ACBD5: variants seen among roughly 807,000 people sequenced by gnomAD.
ACBD5 encodes the protein acyl-CoA-binding domain-containing protein 5.
In ACBD5, 40 loss-of-function variants were observed where a neutral mutation model predicts 71.8. The observed-to-expected ratio is 0.56, with a 90% CI of 0.43 to 0.72. The LOEUF is 0.72. Among genes scored for constraint, ACBD5 ranks in the 30% least tolerant of loss-of-function variants. The probability of loss-of-function intolerance (pLI) is 0.00; values close to 1 mark genes in which losing one functional copy is unlikely to be tolerated. For missense variants in ACBD5, 559 were observed against 644.5 expected, an observed-to-expected ratio of 0.87 and a Z score of 1.44; for synonymous variants, 229 against 218.6, an observed-to-expected ratio of 1.05 and a Z score of -0.42.
chr10:27,203,726 CA>C (rs1401897384), intron 12 of ACBD5, among the ~76,000 whole-genome samples: 6 of 150,748 alleles, frequency 4.0e-5, no homozygotes, highest in African/African-American at 1.5e-4. Flanking sequence ...GCAACAAAAG[CA>C]AAACTCTGTC....
chr10:27,241,056 C>G (rs1444433195), upstream of ACBD5, among the ~76,000 whole-genome samples: 1 of 152,212 alleles, frequency 6.6e-6, no homozygotes, highest in Non-Finnish European at 1.5e-5. Context: ...TGTGTCCGCT[C>G]TGGCAGCCGG....
intron 12 of ACBD5, among the ~76,000 whole-genome samples, chr10:27,200,002 A>G (rs2059752977): frequency 6.6e-6 from 1 of 151,930 alleles, no homozygotes; most frequent in Non-Finnish European, 1.5e-5. Context: ...AAAAAAAAAA[A>G]GGAAAACTGG....
intron 7 of ACBD5, 37 bp downstream of exon 7, chr10:27,217,943 G>A (rs769552012): frequency 1.8e-5 from 28 of 1,574,680 alleles, no homozygotes; most frequent in Non-Finnish European, 2.4e-5. Context: ...CTATTCATAG[G>A]AAAGAGGCTG....
Position 27,218,155 on chromosome 10 carries a change from G to A in ACBD5, c.654C>T (p.Asp218=), listed in dbSNP as rs2061884691. Residue 218 remains aspartate (D), a synonymous_variant, in exon 7 of 13, where the codon GAC becomes GAT. Transcript: ENST00000396271. ...NDKKMMKKSA[D]HKNLEVIVTN... ...TGACAATGACTTCCAAATTCTTATG[G>A]TCTGCTGACTTCTTCATCATTTTCT... 6.2e-7 allele frequency: 1 copy of A among 1,613,958 alleles called. No individual in the cohort carries two copies. Among genetic ancestry groups the A allele is most frequent in the Non-Finnish European group, 8.5e-7 (1 of 1,179,926 alleles).
intron 8 of ACBD5, among the ~76,000 whole-genome samples, chr10:27,214,581 C>T (rs1046284246): frequency 2.0e-5 from 3 of 152,016 alleles, no homozygotes; most frequent in African/African-American, 7.3e-5. Context: ...ATACTGCTAT[C>T]ATCATTATCA....
At position 27,202,867 on chromosome 10, in the gene ACBD5, T is replaced by C. The variant is rs554508751; in HGVS notation, c.1565+1573A>G. On this transcript the variant is annotated intron_variant, in intron 12 of 12. Coordinates refer to ENST00000396271, the MANE Select transcript of ACBD5 (RefSeq NM_145698.5). ...TCTTCTTTCCTATTACCAGGGATATTTAAATGTAAAACACTGTAGAGCACT... is the reference window on the plus strand; with the variant it reads ...TCTTCTTTCCTATTACCAGGGATATCTAAATGTAAAACACTGTAGAGCACT... Among the ~76,000 whole-genome samples the C allele has an allele frequency of 9.9e-5, 15 of 152,032 alleles. 1 individual carries two copies. In the South Asian group the frequency reaches 2.9e-3, roughly 29 times the overall value.
In ACBD5 at chr10:27,218,156, T is replaced by C; in HGVS notation, c.653A>G (p.Asp218Gly). Residue 218 changes from aspartate (D) to glycine (G), a missense_variant, in exon 7 of 13, where the codon GAC becomes GGC. Asp to Gly is a moderately conservative substitution (Grantham distance 94). Coordinates refer to ENST00000396271, the MANE Select transcript of ACBD5 (RefSeq NM_145698.5). Reference protein sequence around the residue: ...NDKKMMKKSADHKNLEVIVTN... With the variant: ...NDKKMMKKSAGHKNLEVIVTN... ...GACAATGACTTCCAAATTCTTATGG[T>C]CTGCTGACTTCTTCATCATTTTCTT... The C allele has an allele frequency of 6.2e-7, 1 of 1,614,012 alleles. No individual in the cohort carries two copies. Among genetic ancestry groups the C allele is most frequent in the Non-Finnish European group, 8.5e-7 (1 of 1,179,926 alleles).
In ACBD5 at chr10:27,196,388, C is replaced by T. The variant is rs1298116342; in HGVS notation, c.*1042G>A. 2 of 454,216 alleles carry T rather than the reference C, an allele frequency of 4.4e-6. No individual in the cohort carries two copies. The highest frequency in any genetic ancestry group is 2.4e-5 in the Admixed American group (1 of 42,550). 28.1% of individuals were successfully genotyped at this position (454,216 alleles called of 1,614,324 possible). The stretch of plus-strand genomic sequence containing the variant: ...CTTAAATTTCTGTTAGCTGGGCATG[C>T]CTTATTCCTATGGAAGCATTTGGCC... On this transcript the variant is annotated 3_prime_UTR_variant, in exon 13 of 13. Coordinates refer to ENST00000396271, the MANE Select transcript of ACBD5 (RefSeq NM_145698.5).
At position 27,208,316 on chromosome 10, in the gene ACBD5, A is replaced by C. The variant is rs1468532582; in HGVS notation, c.1334T>G (p.Met445Arg). Reference protein sequence around the residue: ...SLNEQIALVLMRLQEDMQNVL... With the variant: ...SLNEQIALVLRRLQEDMQNVL... ...ATTCTGCATGTCCTCCTGCAGTCTC[A>C]TCAGCACGAGGGCGATCTGCTCATT... The change falls in exon 10 of 13, where the codon ATG becomes AGG. Residue 445 changes from methionine to arginine, a missense_variant. Coordinates refer to ENST00000396271, the MANE Select transcript of ACBD5 (RefSeq NM_145698.5). 6.2e-7 allele frequency: 1 copy of C among 1,614,126 alleles called. No homozygotes were observed. The highest frequency in any genetic ancestry group is 1.7e-5 in the Admixed American group (1 of 60,004).
At chr10:27,225,077 CTTT>C (rs369118936) in intron 4 of ACBD5, among the ~76,000 whole-genome samples, 3 of 136,456 alleles carry the variant, frequency 2.2e-5, no homozygotes, top group Non-Finnish European at 1.6e-5. Flanking sequence ...CGCTCTCTTT[CTTT>C]TTTTTTTTTT....
At chr10:27,186,268 ATAAAG>A (rs2136283953) in intron 13 of ACBD5, 9 of 1,123,482 alleles carry the variant, frequency 8.0e-6, no homozygotes, top group Admixed American at 1.9e-5. Context: ...AACTGACATA[ATAAAG>A]TAAGGTAAGT....
chr10:27,215,303 A>G (rs1564624889), intron 8 of ACBD5, among the ~76,000 whole-genome samples: 1 of 152,084 alleles, frequency 6.6e-6, no homozygotes, highest in Non-Finnish European at 1.5e-5. Context: ...AAATATATGT[A>G]TATTATTAGT....
chr10:27,201,966 C>T (rs772257218), intron 12 of ACBD5, among the ~76,000 whole-genome samples: 3 of 152,102 alleles, frequency 2.0e-5, no homozygotes, highest in Non-Finnish European at 4.4e-5. Context: ...ATTTATTGAG[C>T]ACCTACTACA....
At position 27,219,626 on chromosome 10, in the gene ACBD5, C is replaced by G; in HGVS notation, c.625+97G>C. The G allele has an allele frequency of 2.6e-6, 4 of 1,521,562 alleles. No individual in the cohort carries two copies. The South Asian group carries it at 4.5e-5, about 17-fold the overall frequency. 94.3% of individuals were successfully genotyped at this position (1,521,562 alleles called of 1,614,324 possible). ...AGGTCAACAGCTTACATCCCACCAC[C>G]TGCTTTAATCTTCTACAATACCAAA... On this transcript the variant is annotated intron_variant, in intron 6 of 12. Transcript: ENST00000396271.
chr10:27,228,815 A>ATATTT (rs1554856598), intron 4 of ACBD5, among the ~76,000 whole-genome samples: 8 of 20,366 alleles, frequency 3.9e-4, no homozygotes, highest in African/African-American at 9.3e-4. Flanking sequence ...ATATATATAT[A>ATATTT]TTTTTTTTTT....
At chr10:27,183,187 T>G (rs1412624507) in intron 13 of ACBD5, among the ~76,000 whole-genome samples, 1 of 152,180 alleles carries the variant, frequency 6.6e-6, no homozygotes, top group Admixed American at 6.5e-5. Context: ...TATATACCAC[T>G]CAGTAGTTTT....
chr10:27,187,808 A>G (rs2058859147), intron 13 of ACBD5, among the ~76,000 whole-genome samples: 1 of 152,216 alleles, frequency 6.6e-6, no homozygotes, highest in Admixed American at 6.6e-5. Context: ...AGCAATTTGA[A>G]TAGCTTGTTC....
At chr10:27,217,498 A>G (rs996621286) in intron 7 of ACBD5, among the ~76,000 whole-genome samples, 4 of 151,430 alleles carry the variant, frequency 2.6e-5, no homozygotes, top group African/African-American at 9.7e-5. Flanking sequence ...GATGTTTCTC[A>G]CATGTACTAT....
rs745535917 is a variant in ACBD5 at position 27,208,245 on chromosome 10, C to T, written c.1404+1G>A. The stretch of plus-strand genomic sequence containing the variant: ...AAGGTATGATACATTTGGAAGTTTA[C>T]CTGCAAAGCAGTCAGCGTTTCCAGT... On this transcript the variant is annotated splice_donor_variant, in intron 10 of 12. Transcript: ENST00000396271. LOFTEE classifies it high-confidence loss of function. The T allele has an allele frequency of 1.2e-6, 2 of 1,614,032 alleles. No homozygotes were observed. Among genetic ancestry groups the T allele is most frequent in the South Asian group, 2.2e-5 (2 of 91,084 alleles).
Sources: allele counts gnomAD v4.1 joint callset (sites outside exome capture counted in the v4.1 genomes callset), GRCh38; gene constraint gnomAD v4.1.1; transcripts MANE v1.5; gene names NCBI Gene and HGNC (gene_info 2026-07-23, HGNC 2026-07-21).